Variants in NAV2 observed in about 807,000 individuals in gnomAD.
NAV2 encodes the protein neuron navigator 2.
In NAV2, 54 loss-of-function variants were observed where a neutral mutation model predicts 223.2. The ratio of observed to expected loss-of-function variants is 0.24; its 90% CI spans 0.19 to 0.30. The LOEUF (loss-of-function observed/expected upper bound fraction) is 0.30, where lower values mean the gene tolerates loss of function less well. Among genes scored for constraint, NAV2 ranks in the 10% least tolerant of loss-of-function variants. The pLI is 1.00. For synonymous variants in NAV2, 1,279 were observed against 1,239.3 expected, an observed-to-expected ratio of 1.03 and a Z score of -0.67; for missense variants, 2,806 against 3,147.5, an observed-to-expected ratio of 0.89 and a Z score of 2.60.
intron 1 of NAV2, among the ~76,000 whole-genome samples, chr11:19,733,515 T>C (rs967863648): frequency 5.9e-5 from 9 of 152,206 alleles, no homozygotes; most frequent in African/African-American, 2.2e-4. Flanking sequence ...GAACCCAAGA[T>C]GCTTCACTTA....
intron 4 of NAV2, among the ~76,000 whole-genome samples, chr11:19,871,564 G>A (rs193169631): frequency 4.3e-4 from 66 of 152,126 alleles, no homozygotes; most frequent in African/African-American, 1.5e-3. Context: ...TGTAGCTCCC[G>A]GGGCACTAGT....
intron 1 of NAV2, among the ~76,000 whole-genome samples, chr11:19,654,317 A>T (rs1405053932): frequency 6.6e-6 from 1 of 152,100 alleles, no homozygotes; most frequent in African/African-American, 2.4e-5. Context: ...CCATACTGCC[A>T]AAGGTAATTT....
intron 8 of NAV2, among the ~76,000 whole-genome samples, chr11:19,940,001 A>T (rs906817217): frequency 6.6e-6 from 1 of 151,694 alleles, no homozygotes; most frequent in Non-Finnish European, 1.5e-5. Context: ...AATCGTAAAC[A>T]AGTCTCTTAC....
chr11:19,397,418 T>TGTGTGTGTGTGTGCGC (rs57566081), intron 1 of NAV2, among the ~76,000 whole-genome samples: 87 of 145,356 alleles, frequency 6.0e-4, no homozygotes, highest in African/African-American at 1.6e-3. Flanking sequence ...TGTGTGTGTG[T>TGTGTGTGTGTGTGCGC]GCGCGCATGT....
intron 26 of NAV2, among the ~76,000 whole-genome samples, chr11:20,085,791 G>A (rs2060397064): frequency 6.6e-6 from 1 of 152,226 alleles, no homozygotes; most frequent in South Asian, 2.1e-4. Flanking sequence ...TGGGGGTTTG[G>A]AGAGTGCAGA....
chr11:19,894,215 G>A (rs1175634562), intron 6 of NAV2, among the ~76,000 whole-genome samples: 2 of 152,162 alleles, frequency 1.3e-5, no homozygotes, highest in Non-Finnish European at 2.9e-5. Flanking sequence ...AGTGAGAGAT[G>A]GAGTTGAATT....
At chr11:19,460,027 A>G (rs528564441) in intron 1 of NAV2, among the ~76,000 whole-genome samples, 20 of 152,290 alleles carry the variant, frequency 1.3e-4, no homozygotes, top group African/African-American at 4.6e-4. Context: ...CTTTTTGTGT[A>G]TCTCTGGGCA....
chr11:19,679,583 C>G (rs1319357332), intron 1 of NAV2, among the ~76,000 whole-genome samples: 1 of 152,190 alleles, frequency 6.6e-6, no homozygotes. Context: ...TCCTTCCCCT[C>G]TCTACCCCAC....
chr11:19,641,360 C>G (rs983575851), intron 1 of NAV2, among the ~76,000 whole-genome samples: 1 of 152,134 alleles, frequency 6.6e-6, no homozygotes, highest in African/African-American at 2.4e-5. Context: ...ATCCCTCCCC[C>G]TCCACTGCTA....
chr11:19,668,469 G>T (rs1290510222), intron 1 of NAV2, among the ~76,000 whole-genome samples: 1 of 143,378 alleles, frequency 7.0e-6, no homozygotes, highest in Non-Finnish European at 1.5e-5. Context: ...GGAGGTGGAA[G>T]TTGCAGTGAG....
intron 1 of NAV2, among the ~76,000 whole-genome samples, chr11:19,353,571 T>C (rs1333540303): frequency 2.0e-5 from 3 of 152,198 alleles, no homozygotes; most frequent in African/African-American, 7.2e-5. Context: ...AATGGGGATT[T>C]TATTATAGGG....
At chr11:19,935,213 T>G (rs1458912038) in intron 7 of NAV2, among the ~76,000 whole-genome samples, 2 of 152,224 alleles carry the variant, frequency 1.3e-5, no homozygotes, top group Non-Finnish European at 2.9e-5. Context: ...AGCAGTGCAT[T>G]TGGCCACATT....
intron 1 of NAV2, chr11:19,778,380 A>T (rs2056459082): frequency 2.2e-6 from 1 of 455,222 alleles, no homozygotes; most frequent in African/African-American, 2.0e-5. Flanking sequence ...TAGTGCCAGG[A>T]TAAGAAATCA....
chr11:19,908,530 T>C (rs1226694656), intron 6 of NAV2, among the ~76,000 whole-genome samples: 1 of 152,248 alleles, frequency 6.6e-6, no homozygotes. Context: ...GGAAATAGCC[T>C]ACGCTCTGTG....
intron 1 of NAV2, among the ~76,000 whole-genome samples, chr11:19,647,610 C>T (rs2047853594): frequency 6.6e-6 from 1 of 152,260 alleles, no homozygotes; most frequent in Middle Eastern, 3.4e-3. Context: ...GCACTTGCAT[C>T]TGGATCTTCC....
At chr11:19,454,157 G>A (rs1487120096) in intron 1 of NAV2, among the ~76,000 whole-genome samples, 2 of 152,200 alleles carry the variant, frequency 1.3e-5, no homozygotes, top group African/African-American at 4.8e-5. Context: ...GGCTGGGTCA[G>A]ACTGCAAGTC....
chr11:20,095,871 C>T (rs2061227918), intron 30 of NAV2, 104 bp downstream of exon 30: 1 of 801,494 alleles, frequency 1.2e-6, no homozygotes, highest in Non-Finnish European at 2.2e-6. Flanking sequence ...ATTTCTCAGA[C>T]CTGTCCCCTT....
In NAV2 at chr11:20,045,343, G is replaced by C; in HGVS notation, c.3575G>C (p.Ser1192Thr). 1.9e-6 allele frequency: 3 copies of C among 1,614,190 alleles called. No homozygotes were observed. Among genetic ancestry groups the C allele is most frequent in the Non-Finnish European group, 2.5e-6 (3 of 1,180,028 alleles). ...LSSRTNLQYR[S>T]LPRPSKSNSR... ...TCCCGGACAAACCTTCAGTACCGGA[G>C]TTTGCCGAGGCCCAGTAAGTCCAAC... The change falls in exon 14 of 38, where the codon AGT (serine) becomes ACT (threonine). Residue 1192 changes from serine (S) to threonine (T), a missense_variant. By Grantham distance (58) the Ser-to-Thr change is moderately conservative. Around this residue, in one of 4 missense-constraint regions of NAV2, gnomAD observed 742 missense variants for 777.9 expected, o/e 0.95. Transcript: ENST00000349880.
At chr11:19,409,721 T>C (rs1249983719) in intron 1 of NAV2, among the ~76,000 whole-genome samples, 2 of 152,194 alleles carry the variant, frequency 1.3e-5, no homozygotes, top group African/African-American at 4.8e-5. Context: ...TCCAAAACTC[T>C]TGGAGGTGGA....
Sources: gnomAD v4.1 joint callset for allele counts (sites outside exome capture counted in the v4.1 genomes callset) on GRCh38, gnomAD v4.1.1 for gene constraint, gnomAD v4.1.1 regional missense constraint, MANE v1.5 for transcripts, NCBI Gene and HGNC (gene_info 2026-07-23, HGNC 2026-07-21) for gene names.